Variants in LANCL1 observed in about 807,000 individuals in gnomAD.
LANCL1 encodes the protein LanC like glutathione S-transferase 1.
In LANCL1, 50 loss-of-function variants were observed where a neutral mutation model predicts 50.6. The ratio of observed to expected loss-of-function variants is 0.99; its 90% confidence interval spans 0.79 to 1.25. LANCL1 has a LOEUF of 1.25. Among genes scored for constraint, LANCL1 ranks in the 50% most tolerant of loss-of-function variants. The probability of loss-of-function intolerance (pLI) is 0.00; values close to 1 mark genes in which losing one functional copy is unlikely to be tolerated. For synonymous variants in LANCL1, 188 were observed against 178.6 expected, an observed-to-expected ratio of 1.05 and a Z score of -0.42; for missense variants, 532 against 480.7, an observed-to-expected ratio of 1.11 and a Z score of -1.00.
At chr2:210,470,480 C>G (rs1326476992) in intron 3 of LANCL1, among the ~76,000 whole-genome samples, 3 of 152,026 alleles carry the variant, frequency 2.0e-5, no homozygotes, top group Non-Finnish European at 4.4e-5. Flanking sequence ...ATCTGAAATC[C>G]TTGGGACAAG....
At chr2:210,439,605 GAA>G (rs992044966) in intron 6 of LANCL1, among the ~76,000 whole-genome samples, 42 of 152,290 alleles carry the variant, frequency 2.8e-4, no homozygotes, top group African/African-American at 8.7e-4. Flanking sequence ...ACCTCTAATT[GAA>G]AAGTGTAGAA....
At position 210,437,665 on chromosome 2, in the gene LANCL1, T is replaced by G; in HGVS notation, c.873+25A>C. On this transcript the variant is annotated intron_variant, in intron 7 of 9. Transcript: ENST00000450366. ...ATAAATTTTTGGTTATTTAAAAAAA[T>G]TTATTTCAAAAATACACACAGTACC... 2.1e-6 allele frequency: 3 copies of G among 1,421,446 alleles called. No homozygotes were observed. The South Asian group carries it at 5.2e-5, about 25-fold the overall frequency. 88.1% of individuals were successfully genotyped at this position (1,421,446 alleles called of 1,614,324 possible).
chr2:210,474,039 C>T (rs1254516015), intron 2 of LANCL1, among the ~76,000 whole-genome samples: 1 of 152,152 alleles, frequency 6.6e-6, no homozygotes, highest in Admixed American at 6.5e-5. Context: ...AATCTCTCAG[C>T]CTTATGAAGG....
chr2:210,475,457 A>C (rs1694329807), intron 2 of LANCL1, among the ~76,000 whole-genome samples: 1 of 152,066 alleles, frequency 6.6e-6, no homozygotes. Context: ...TCAGCCTCCC[A>C]AGTAGCTGGG....
intron 3 of LANCL1, among the ~76,000 whole-genome samples, chr2:210,470,571 A>C (rs1208414338): frequency 3.3e-5 from 5 of 152,208 alleles, no homozygotes; most frequent in African/African-American, 1.2e-4. Context: ...GTAATCCTAA[A>C]TGCTCGATGA....
Position 210,472,072 on chromosome 2 carries a change from G to C in LANCL1, c.86C>G (p.Thr29Ser), listed in dbSNP as rs147735048. Residue 29 changes from threonine (T) to serine (S), a missense_variant, in exon 3 of 10, where the codon ACT becomes AGT. Transcript: ENST00000450366. Reference protein sequence around the residue: ...EGYFDAAGRLTPEFSQRLTNK... With the variant: ...EGYFDAAGRLSPEFSQRLTNK... ...GGTCAAGCGTTGTGAGAACTCAGGAGTCAGCTAGATATTAAAGGAAAACAA... is the reference window on the plus strand; with the variant it reads ...GGTCAAGCGTTGTGAGAACTCAGGACTCAGCTAGATATTAAAGGAAAACAA... 1 of 1,608,906 alleles carries C rather than the reference G, an allele frequency of 6.2e-7. No homozygotes were observed. The highest frequency in any genetic ancestry group is 8.5e-7 in the Non-Finnish European group (1 of 1,175,510).
At chr2:210,436,170 G>T (rs1559704719) in intron 8 of LANCL1, 46 bp downstream of exon 8, 1 of 1,561,212 alleles carries the variant, frequency 6.4e-7, no homozygotes, top group African/African-American at 1.4e-5. Context: ...AGATTTACAG[G>T]TGTGAGCCAC....
chr2:210,454,166 A>T (rs775785986), intron 4 of LANCL1, among the ~76,000 whole-genome samples: 18 of 151,986 alleles, frequency 1.2e-4, no homozygotes, highest in Non-Finnish European at 1.9e-4. Context: ...AGTTACAATA[A>T]GAAAATATCA....
chr2:210,437,087 CT>C (rs200138104), intron 7 of LANCL1, among the ~76,000 whole-genome samples: 1 of 151,644 alleles, frequency 6.6e-6, no homozygotes, highest in African/African-American at 2.4e-5. Flanking sequence ...TCATAGATAT[CT>C]TTTTTTTTCT....
intron 4 of LANCL1, among the ~76,000 whole-genome samples, chr2:210,444,421 G>T (rs554984409): frequency 6.6e-6 from 1 of 152,316 alleles, no homozygotes; most frequent in Non-Finnish European, 1.5e-5. Flanking sequence ...TAAGCAGAAT[G>T]AGATGATTTT....
At chr2:210,463,820 G>A (rs563153098) in intron 3 of LANCL1, among the ~76,000 whole-genome samples, 5 of 151,998 alleles carry the variant, frequency 3.3e-5, no homozygotes, top group African/African-American at 7.3e-5. Context: ...TCTTTCCCAC[G>A]GTCAGGGCAT....
intron 3 of LANCL1, among the ~76,000 whole-genome samples, chr2:210,470,094 T>G (rs184964582): frequency 3.0e-4 from 45 of 152,286 alleles, no homozygotes; most frequent in African/African-American, 1.1e-3. Flanking sequence ...AAGACAACTG[T>G]GCGCTGTGCT....
intron 4 of LANCL1, among the ~76,000 whole-genome samples, chr2:210,450,149 T>C (rs180688694): frequency 2.0e-5 from 3 of 152,078 alleles, no homozygotes; most frequent in Admixed American, 6.6e-5. Flanking sequence ...AACAGATATA[T>C]AGACCAATAG....
chr2:210,434,485 T>G lies in LANCL1; in HGVS notation c.*2A>C, dbSNP rs755962393. On this transcript the variant is annotated 3_prime_UTR_variant, in exon 10 of 10. Coordinates refer to ENST00000450366, the MANE Select transcript of LANCL1 (RefSeq NM_006055.3). ...GTGAGTTGCAGGTGGCATGCTATCC[T>G]TTCAGAGTTCAAATGCAGGGAACCT... 13 of 1,612,212 alleles carry G rather than the reference T, an allele frequency of 8.1e-6. No homozygotes were observed. The Admixed American group carries it at 2.2e-4, about 27-fold the overall frequency.
At chr2:210,477,037 CT>C (rs1694406939), upstream of LANCL1, among the ~76,000 whole-genome samples, 1 of 149,460 alleles carries the variant, frequency 6.7e-6, no homozygotes, top group Non-Finnish European at 1.5e-5. Context: ...AAACAGACTG[CT>C]TTTAGATCTG....
At position 210,476,388 on chromosome 2, in the gene LANCL1, T is replaced by G; in HGVS notation, c.9A>C (p.Gln3His). 6.2e-7 allele frequency: 1 copy of G among 1,613,928 alleles called. No homozygotes were observed. Among genetic ancestry groups the G allele is most frequent in the South Asian group, 1.1e-5 (1 of 91,058 alleles). ...CAGCATAAGGATTCGGGAAGGCCCT[T>G]TGAGCCATGACGCCGGAAGCAAGCC... MAQRAFPNPYADY... is the reference protein window; with the variant it reads MAHRAFPNPYADY... Residue 3 changes from glutamine (Q) to histidine (H), a missense_variant, in exon 2 of 10, where the codon CAA (glutamine) becomes CAC (histidine). Physicochemically the swap from Gln to His is conservative, Grantham distance 24. Coordinates refer to ENST00000450366, the MANE Select transcript of LANCL1 (RefSeq NM_006055.3).
At chr2:210,455,470 A>G (rs954907516) in intron 3 of LANCL1, among the ~76,000 whole-genome samples, 156 bp from the exon 4 acceptor site, 1 of 152,216 alleles carries the variant, frequency 6.6e-6, no homozygotes, top group Admixed American at 6.5e-5. Flanking sequence ...GCTCAGCTCT[A>G]TTAGTAAGCA....
chr2:210,435,118 T>A (rs1354632996), intron 9 of LANCL1, among the ~76,000 whole-genome samples: 1 of 152,136 alleles, frequency 6.6e-6, no homozygotes. Flanking sequence ...AGTGCCTGTA[T>A]GTTTTTGCTG....
chr2:210,472,986 GCAAA>G (rs1338756643), intron 2 of LANCL1, among the ~76,000 whole-genome samples: 2 of 152,184 alleles, frequency 1.3e-5, no homozygotes, highest in African/African-American at 2.4e-5. Flanking sequence ...CAGATGCTGT[GCAAA>G]CAGTGAGGCT....
Sources: allele counts gnomAD v4.1 joint callset (sites outside exome capture counted in the v4.1 genomes callset), GRCh38; gene constraint gnomAD v4.1.1; transcripts MANE v1.5; gene names NCBI Gene and HGNC (gene_info 2026-07-23, HGNC 2026-07-21).